Variants in GNA13 observed in about 807,000 individuals in gnomAD.
The protein encoded by GNA13 is G protein subunit alpha 13, also known as guanine nucleotide-binding protein subunit alpha-13.
A neutral mutation model predicts 33.5 loss-of-function variants in GNA13; 4 were observed. That is an observed-to-expected ratio of 0.12 (90% CI 0.06 to 0.27). The LOEUF is 0.27. Ranked by LOEUF, GNA13 falls within the 10% of genes least tolerant of loss-of-function variation. The pLI is 1.00. For missense variants in GNA13, 319 were observed against 487.2 expected, an observed-to-expected ratio of 0.65 and a Z score of 3.25; for synonymous variants, 176 against 183.8, an observed-to-expected ratio of 0.96 and a Z score of 0.34.
chr17:65,040,752 A>G (rs1408753843), intron 2 of GNA13, among the ~76,000 whole-genome samples: 1 of 152,194 alleles, frequency 6.6e-6, no homozygotes, highest in Non-Finnish European at 1.5e-5. Context: ...TGGACTCCCA[A>G]AGTGCTGGGA....
chr17:65,044,401 T>G (rs1907578737), intron 2 of GNA13, among the ~76,000 whole-genome samples: 1 of 152,192 alleles, frequency 6.6e-6, no homozygotes, highest in African/African-American at 2.4e-5. Flanking sequence ...GAATAGTATA[T>G]AGCTAGGGAA....
intron 2 of GNA13, among the ~76,000 whole-genome samples, chr17:65,035,257 T>C (rs547817059): frequency 6.6e-6 from 1 of 152,236 alleles, no homozygotes; most frequent in South Asian, 2.1e-4. Flanking sequence ...AATACATATA[T>C]AGCGGGAAGA....
intron 1 of GNA13, among the ~76,000 whole-genome samples, chr17:65,054,149 T>A (rs1907952921): frequency 6.6e-6 from 1 of 152,210 alleles, no homozygotes; most frequent in Non-Finnish European, 1.5e-5. Context: ...TATGAAACAC[T>A]AAGAACCAAC....
At chr17:65,019,126 G>A (rs935507203) in intron 2 of GNA13, among the ~76,000 whole-genome samples, 11 of 152,064 alleles carry the variant, frequency 7.2e-5, no homozygotes, top group African/African-American at 2.7e-4. Context: ...CATTTAGTAT[G>A]CCTGGGCATC....
At position 65,012,468 on chromosome 17, in the gene GNA13, A is replaced by C. The variant is rs1256014712; in HGVS notation, c.*1789T>G. On this transcript the variant is annotated 3_prime_UTR_variant, in exon 4 of 4. Transcript: ENST00000439174. Reference sequence around the variant, plus strand: ...AAACACGCATGAATGATACCATGATACCACGAACATGCACGATACCATGAA... The same window carrying C: ...AAACACGCATGAATGATACCATGATCCCACGAACATGCACGATACCATGAA... The C allele has an allele frequency of 1.4e-5, 3 of 220,342 alleles. No homozygotes were observed. The highest frequency in any genetic ancestry group is 6.7e-5 in the African/African-American group (3 of 44,630). The allele number at this position is 220,342 out of a possible 1,614,324, so 13.6% of individuals were successfully genotyped here.
intron 2 of GNA13, among the ~76,000 whole-genome samples, chr17:65,031,210 G>A (rs1489078052): frequency 6.6e-6 from 1 of 152,150 alleles, no homozygotes; most frequent in Non-Finnish European, 1.5e-5. Context: ...TACTGAATAG[G>A]GTAGGCAGCT....
chr17:65,020,897 C>T (rs768019888), intron 2 of GNA13, among the ~76,000 whole-genome samples: 11 of 152,082 alleles, frequency 7.2e-5, no homozygotes, highest in Non-Finnish European at 1.2e-4. Flanking sequence ...GTGATCCACC[C>T]GTCTCGGCCT....
rs1183823283 is a variant in GNA13 at position 65,029,622 on chromosome 17, G to GA, written c.511-11320_511-11319insT. Reference sequence around the variant, plus strand: ...TTCACTCAATATCTTTTGCACTTACGGTTTATACCACTCATGGCACTTCTT... The same window carrying GA: ...TTCACTCAATATCTTTTGCACTTACGAGTTTATACCACTCATGGCACTTCTT... On this transcript the variant is annotated intron_variant, in intron 2 of 3. Coordinates refer to ENST00000439174, the MANE Select transcript of GNA13 (RefSeq NM_006572.6). Among the ~76,000 whole-genome samples, 101 of 33,904 alleles carry GA rather than the reference G, an allele frequency of 3.0e-3. No homozygotes were observed. The South Asian group carries it at 0.14, about 48-fold the overall frequency. The allele number at this position is 33,904 out of a possible 152,430, so 22.2% of individuals were successfully genotyped here. A position where few individuals can be genotyped will look rare whatever the true frequency, so the allele number is the denominator to read the frequency against.
intron 2 of GNA13, among the ~76,000 whole-genome samples, chr17:65,049,522 A>C (rs1209513020): frequency 6.6e-6 from 1 of 152,238 alleles, no homozygotes; most frequent in South Asian, 2.1e-4. Flanking sequence ...GGACTTCTAC[A>C]TGACTGACAG....
chr17:65,013,386 C>A lies in GNA13; in HGVS notation c.*871G>T, dbSNP rs1420429125. On this transcript the variant is annotated 3_prime_UTR_variant, in exon 4 of 4. Coordinates refer to ENST00000439174, the MANE Select transcript of GNA13 (RefSeq NM_006572.6). ...TGAGATAGGGCTTAAAAGTCAAATA[C>A]ATGACATTCTGGAACAGGTTAAGTT... 1 of 210,144 alleles carries A rather than the reference C, an allele frequency of 4.8e-6. No individual in the cohort carries two copies. Among genetic ancestry groups the A allele is most frequent in the Admixed American group, 5.9e-5 (1 of 16,982 alleles). The allele number at this position is 210,144 out of a possible 1,614,324, so 13.0% of individuals were successfully genotyped here. A position where few individuals can be genotyped will look rare whatever the true frequency, so the allele number is the denominator to read the frequency against.
At chr17:65,045,167 T>C (rs929569406) in intron 2 of GNA13, among the ~76,000 whole-genome samples, 6 of 152,144 alleles carry the variant, frequency 3.9e-5, no homozygotes, top group South Asian at 4.1e-4. Context: ...TAGAAAAATG[T>C]TGGCAATCTC....
chr17:65,046,370 A>C lies in GNA13; in HGVS notation c.510+7132T>G, dbSNP rs182635027. Reference sequence around the variant, plus strand: ...CAATGGTGCTATCATAGCTCACTGCAACCTCAAACTCCTGGGCTCAAGCAA... The same window carrying C: ...CAATGGTGCTATCATAGCTCACTGCCACCTCAAACTCCTGGGCTCAAGCAA... On this transcript the variant is annotated intron_variant, in intron 2 of 3. Transcript: ENST00000439174. Among the ~76,000 whole-genome samples, 117 of 152,274 alleles carry C rather than the reference A, an allele frequency of 7.7e-4. 1 individual carries two copies. Among genetic ancestry groups the C allele is most frequent in the African/African-American group, 2.6e-3 (106 of 41,562 alleles).
intron 2 of GNA13, among the ~76,000 whole-genome samples, chr17:65,020,960 T>A (rs539408171): frequency 6.6e-6 from 1 of 152,164 alleles, no homozygotes; most frequent in Non-Finnish European, 1.5e-5. Flanking sequence ...CTGGAAATTT[T>A]AAAAATAAAA....
Position 65,035,012 on chromosome 17 carries a change from C to G in GNA13, c.511-16709G>C, listed in dbSNP as rs149536752. Among the ~76,000 whole-genome samples the G allele has an allele frequency of 2.8e-3, 423 of 152,158 alleles. 1 individual carries two copies. The Middle Eastern group carries it at 0.031, about 11-fold the overall frequency. On this transcript the variant is annotated intron_variant, in intron 2 of 3. Transcript: ENST00000439174. The stretch of plus-strand genomic sequence containing the variant: ...GTTTGTCAGGCTGGTCTTGAACGCC[C>G]GACCTCAGGTGATCCACCCGCCTTG...
rs193087702 is a variant in GNA13, at chr17:65,010,586, G to A, written c.*3671C>T. The A allele has an allele frequency of 1.0e-4, 21 of 205,610 alleles. No individual in the cohort carries two copies. The East Asian group carries it at 1.3e-3, about 13-fold the overall frequency. The allele number at this position is 205,610 out of a possible 1,614,324, so 12.7% of individuals were successfully genotyped here. On this transcript the variant is annotated 3_prime_UTR_variant, in exon 4 of 4. Transcript: ENST00000439174. ...TCATCTGTGATTAACAGAAGCGAAC[G>A]CCTTAAAATGATGGGAGAGAGACAA...
rs533155162 is a variant in GNA13 at position 65,009,559 on chromosome 17, T to TA, written c.*4697dup. ...CTGGAAAGTTATAAAAAGATATATG[T>TA]AAAAAAAAAATCCTAAGCCACAAAT... On this transcript the variant is annotated 3_prime_UTR_variant, in exon 4 of 4. Coordinates refer to ENST00000439174, the MANE Select transcript of GNA13 (RefSeq NM_006572.6). 0.02 allele frequency among the ~76,000 whole-genome samples: 3,014 copies of TA among 150,094 alleles called. 94 individuals are homozygous for TA. The highest frequency in any genetic ancestry group is 0.068 in the African/African-American group (2,813 of 41,066).
rs935270671 is a variant in GNA13, at chr17:65,030,423, G to A, written c.511-12120C>T. Among the ~76,000 whole-genome samples the A allele has an allele frequency of 9.2e-5, 14 of 152,258 alleles. No homozygotes were observed. The East Asian group carries it at 1.3e-3, about 15-fold the overall frequency. Reference sequence around the variant, plus strand: ...AGTATATGTTCTAATGATTAATACCGGAAATCTGACAAAGGTCAAATTCTG... The same window carrying A: ...AGTATATGTTCTAATGATTAATACCAGAAATCTGACAAAGGTCAAATTCTG... On this transcript the variant is annotated intron_variant, in intron 2 of 3. Coordinates refer to ENST00000439174, the MANE Select transcript of GNA13 (RefSeq NM_006572.6).
In GNA13 at chr17:65,018,255, G is replaced by A; in HGVS notation, c.559C>T (p.Pro187Ser). The A allele has an allele frequency of 6.6e-7, 1 of 1,506,388 alleles. No homozygotes were observed. The highest frequency in any genetic ancestry group is 1.7e-4 in the Middle Eastern group (1 of 5,824). 93.3% of individuals were successfully genotyped at this position (1,506,388 alleles called of 1,614,324 possible). A position where few individuals can be genotyped will look rare whatever the true frequency, so the allele number is the denominator to read the frequency against. ...AAACATTTGGTTTAAACACTTACTG[G>A]TTCTCCAAGTTTATCCAAGTTATCC... ...FLDNLDKLGEPDYIPSQQDIL... is the reference protein window; with the variant it reads ...FLDNLDKLGESDYIPSQQDIL... The change falls in exon 3 of 4, where the codon CCA becomes TCA. Residue 187 changes from proline to serine, a missense_variant and splice_region_variant. Pro to Ser is a moderately conservative substitution (Grantham distance 74). This residue lies in a region of GNA13 where 134 missense variants were observed against 241.3 expected (regional missense o/e 0.56). Coordinates refer to ENST00000439174, the MANE Select transcript of GNA13 (RefSeq NM_006572.6).
chr17:65,050,114 G>A (rs533066868), intron 2 of GNA13, among the ~76,000 whole-genome samples: 7 of 152,160 alleles, frequency 4.6e-5, no homozygotes, highest in Non-Finnish European at 8.8e-5. Flanking sequence ...AGACAATGGT[G>A]AGCCACCAAA....
Sources: allele counts gnomAD v4.1 joint callset (sites outside exome capture counted in the v4.1 genomes callset), GRCh38; gene constraint gnomAD v4.1.1; regional missense constraint gnomAD v4.1.1; transcripts MANE v1.5; gene names NCBI Gene and HGNC (gene_info 2026-07-23, HGNC 2026-07-21).